The following IPO5 variants were observed in gnomAD, a reference collection of about 807,000 sequenced individuals.
IPO5 encodes importin 5.
Under a neutral mutation model 143.3 loss-of-function variants are expected in IPO5, and 18 were observed. The ratio of observed to expected loss-of-function variants is 0.13; its 90% CI spans 0.09 to 0.19. The LOEUF is 0.19. IPO5 is among the 10% of genes least tolerant of loss of function. The pLI is 1.00. For missense variants in IPO5, 1,013 were observed against 1,336.9 expected, an observed-to-expected ratio of 0.76 and a Z score of 3.78; for synonymous variants, 477 against 465.7, an observed-to-expected ratio of 1.02 and a Z score of -0.31.
At chr13:97,993,377 C>G (rs1432927923) in intron 11 of IPO5, 152 bp downstream of exon 11, 1 of 661,698 alleles carries the variant, frequency 1.5e-6, no homozygotes, top group African/African-American at 1.8e-5. Context: ...TCAATACATG[C>G]AAGCGTGGAC....
At chr13:97,974,457 C>T (rs940895171) in intron 3 of IPO5, among the ~76,000 whole-genome samples, 13 of 151,906 alleles carry the variant, frequency 8.6e-5, no homozygotes, top group Admixed American at 5.2e-4. Flanking sequence ...CAGGCGCCCA[C>T]CACCACCACA....
intron 12 of IPO5, among the ~76,000 whole-genome samples, chr13:97,999,007 G>A (rs2139748420): frequency 6.6e-6 from 1 of 152,190 alleles, no homozygotes; most frequent in South Asian, 2.1e-4. Flanking sequence ...GCCGGGCCTG[G>A]TGGCAGACAC....
chr13:98,021,667 A>T, intron 28 of IPO5, 69 bp from the exon 29 acceptor site: 1 of 880,784 alleles, frequency 1.1e-6, no homozygotes, highest in Admixed American at 2.3e-5. Context: ...CAGTTTACCT[A>T]TGATGATGAT....
chr13:98,003,282 C>T (rs1387786194), intron 16 of IPO5, among the ~76,000 whole-genome samples: 1 of 152,160 alleles, frequency 6.6e-6, no homozygotes, highest in Non-Finnish European at 1.5e-5. Context: ...GTATATGGAT[C>T]ACCCTGAAAA....
At position 98,015,641 on chromosome 13, in the gene IPO5, G is replaced by A. The variant is rs1890073614; in HGVS notation, c.2437G>A (p.Val813Ile). 6.3e-7 allele frequency: 1 copy of A among 1,599,538 alleles called. No homozygotes were observed. The highest frequency in any genetic ancestry group is 8.6e-7 in the Non-Finnish European group (1 of 1,169,118). ...EHFKNQELRQ[V>I]KRQDEDYDEQ... is the part of the protein sequence containing the mutation. ...TTTTAAAAATCAAGAATTACGACAA[G>A]GTAAGTTTTCCATGCTTTTATTTCT... Residue 813 changes from valine (V) to isoleucine (I), a missense_variant and splice_region_variant, in exon 23 of 29, where the codon GTT (valine) becomes ATT (isoleucine). Val to Ile is a conservative substitution (Grantham distance 29, BLOSUM62 3). Around this residue, in one of 2 missense-constraint regions of IPO5, gnomAD observed 685 missense variants for 994.9 expected, o/e 0.69. Transcript: ENST00000651721.
chr13:97,997,916 CAAGG>C (rs1239028144), intron 12 of IPO5, among the ~76,000 whole-genome samples: 1 of 152,042 alleles, frequency 6.6e-6, no homozygotes, highest in Non-Finnish European at 1.5e-5. Flanking sequence ...CAACAACAAA[CAAGG>C]AAGTTTTTCT....
chr13:98,000,919 C>G (rs1022892988), intron 13 of IPO5: 1 of 393,228 alleles, frequency 2.5e-6, no homozygotes, highest in African/African-American at 2.0e-5. Flanking sequence ...ACTCTTCTTT[C>G]ACCCAATATC....
intron 6 of IPO5, 57 bp from the exon 7 acceptor site, chr13:97,989,005 C>T: frequency 1.1e-6 from 1 of 907,834 alleles, no homozygotes; most frequent in Non-Finnish European, 1.8e-6. Context: ...GGATTTACTC[C>T]TAGTATATTG....
rs766415886 is a variant in IPO5, at chr13:98,023,876, G to A, written c.*2054G>A. On this transcript the variant is annotated 3_prime_UTR_variant, in exon 29 of 29. Transcript: ENST00000651721. ...AAACCCAGAGCTCAGAACTAACTGTGAGATGTACCATGAACTAACAATTCT... is the reference window on the plus strand; with the variant it reads ...AAACCCAGAGCTCAGAACTAACTGTAAGATGTACCATGAACTAACAATTCT... 2.6e-5 allele frequency: 4 copies of A among 152,210 alleles called. No homozygotes were observed. Among genetic ancestry groups the A allele is most frequent in the Non-Finnish European group, 5.9e-5 (4 of 68,052 alleles). The allele number at this position is 152,210 out of a possible 1,614,324, so 9.4% of individuals were successfully genotyped here. A position where few individuals can be genotyped will look rare whatever the true frequency, so the allele number is the denominator to read the frequency against.
chr13:97,976,798 C>T lies in IPO5; in HGVS notation c.90+12C>T. The T allele has an allele frequency of 1.6e-6, 2 of 1,279,374 alleles. No homozygotes were observed. Among genetic ancestry groups the T allele is most frequent in the Non-Finnish European group, 2.1e-6 (2 of 958,046 alleles). The allele number at this position is 1,279,374 out of a possible 1,614,324, so 79.3% of individuals were successfully genotyped here. A position where few individuals can be genotyped will look rare whatever the true frequency, so the allele number is the denominator to read the frequency against. On this transcript the variant is annotated intron_variant, in intron 4 of 28. Coordinates refer to ENST00000651721, the MANE Select transcript of IPO5 (RefSeq NM_002271.6). ...GGAAACAGGCAGAGGTAACCGAGTT[C>T]GCCGCCCCAGTCTTCGCGCCCTGGC...
chr13:97,982,292 A>C, intron 4 of IPO5: 1 of 498,122 alleles, frequency 2.0e-6, no homozygotes, highest in East Asian at 3.4e-5. Flanking sequence ...CATTTGTTTA[A>C]GAGATATATG....
Position 98,015,673 on chromosome 13 carries a change from A to G in IPO5, c.2437+32A>G, listed in dbSNP as rs1441462833. 5.7e-6 allele frequency: 9 copies of G among 1,580,394 alleles called. No individual in the cohort carries two copies. In the South Asian group the frequency reaches 6.8e-5, roughly 12 times the overall value. On this transcript the variant is annotated intron_variant, in intron 23 of 28. Transcript: ENST00000651721. ...TTTCCATGCTTTTATTTCTGAATAT[A>G]ATCCTTGACCATCTTGGCAATCATT...
rs1389756639 is a variant in IPO5 at position 98,002,885 on chromosome 13, A to G, written c.1345A>G (p.Thr449Ala). The change falls in exon 16 of 29, where the codon ACC becomes GCC. Residue 449 changes from threonine to alanine, a missense_variant. Transcript: ENST00000651721. ...HEKVIAALLQTMEDQGNQRVQ... is the reference protein window; with the variant it reads ...HEKVIAALLQAMEDQGNQRVQ... ...ACAGGTGATTGCAGCTCTGCTGCAG[A>G]CCATGGAAGACCAAGGCAATCAACG... is the stretch of plus-strand genomic sequence containing the variant. 1 of 1,612,796 alleles carries G rather than the reference A, an allele frequency of 6.2e-7. No homozygotes were observed. The highest frequency in any genetic ancestry group is 1.7e-5 in the Admixed American group (1 of 59,700).
intron 12 of IPO5, 28 bp downstream of exon 12, chr13:97,997,646 A>T: frequency 6.9e-7 from 1 of 1,445,798 alleles, no homozygotes; most frequent in Non-Finnish European, 9.7e-7. Context: ...CCAGGGTGGC[A>T]GTGAAAGCCC....
At chr13:98,000,948 A>G (rs1445897933) in intron 13 of IPO5, 6 of 332,674 alleles carry the variant, frequency 1.8e-5, no homozygotes, top group Non-Finnish European at 3.3e-5. Flanking sequence ...TTAAAAGAAG[A>G]AACTCTATCT....
chr13:98,013,088 A>T (rs1889847523), intron 21 of IPO5, among the ~76,000 whole-genome samples: 1 of 151,416 alleles, frequency 6.6e-6, no homozygotes, highest in East Asian at 1.9e-4. Flanking sequence ...ACAGGGTCTC[A>T]CTCTGTTGCC....
rs1885654552 is a variant in IPO5, at chr13:97,969,609, CTTTGA to C, written c.-112-110_-112-106del. ...TTATTTTCTCCAACTCTTAACCAGT[CTTTGA>C]TTTAACTGATAAGGATTTATTCTTC... On this transcript the variant is annotated intron_variant, in intron 2 of 28. Transcript: ENST00000651721. The C allele has an allele frequency of 7.9e-6, 5 of 632,552 alleles. No homozygotes were observed. In the East Asian group the frequency reaches 1.5e-4, roughly 19 times the overall value. 39.2% of individuals were successfully genotyped at this position (632,552 alleles called of 1,614,324 possible).
chr13:98,005,198 CT>C (rs1172863199), intron 16 of IPO5, among the ~76,000 whole-genome samples: 241 of 142,732 alleles, frequency 1.7e-3, no homozygotes, highest in Middle Eastern at 3.6e-3. Flanking sequence ...TGCCTGGCTT[CT>C]TTTTTTTTTT....
In IPO5 at chr13:97,976,630, C is replaced by T. The variant is rs532109954; in HGVS notation, c.-4-63C>T. The T allele has an allele frequency of 8.8e-4, 649 of 736,918 alleles. 2 individuals carry two copies. The African/African-American group carries it at 0.011, about 13-fold the overall frequency. The allele number at this position is 736,918 out of a possible 1,614,324, so 45.6% of individuals were successfully genotyped here. A position where few individuals can be genotyped will look rare whatever the true frequency, so the allele number is the denominator to read the frequency against. On this transcript the variant is annotated intron_variant, in intron 3 of 28. Transcript: ENST00000651721. ...CGCGCTGGGCCCGCCCCCGCCCCTC[C>T]CGCGGCCCGCGAGCGCGCCTCACGG...
Sources: gnomAD v4.1 joint callset for allele counts (sites outside exome capture counted in the v4.1 genomes callset) on GRCh38, gnomAD v4.1.1 for gene constraint, gnomAD v4.1.1 regional missense constraint, MANE v1.5 for transcripts, NCBI Gene and HGNC (gene_info 2026-07-23, HGNC 2026-07-21) for gene names.